FBXL2: variants seen among roughly 807,000 people sequenced by gnomAD.
The protein encoded by FBXL2 is F-box and leucine rich repeat protein 2, also known as F-box/LRR-repeat protein 2.
FBXL2 carries 38 observed loss-of-function variants against 69.2 expected under a neutral mutation model. That is an observed-to-expected ratio of 0.55 (90% CI 0.42 to 0.72). FBXL2 has a LOEUF of 0.72. FBXL2 is among the 30% of genes least tolerant of loss of function. The probability of loss-of-function intolerance (pLI) is 0.00; values close to 1 mark genes in which losing one functional copy is unlikely to be tolerated. For synonymous variants in FBXL2, 192 were observed against 201.3 expected (o/e 0.95, Z 0.39); for missense variants, 354 against 520.3 (o/e 0.68, Z 3.11).
At chr3:33,330,894 CACAA>C (rs1461943822) in intron 2 of FBXL2, among the ~76,000 whole-genome samples, 2 of 149,700 alleles carry the variant, frequency 1.3e-5, no homozygotes. Context: ...GTCACACACA[CACAA>C]ACACACACAC....
At chr3:33,278,997 C>T (rs977034939) in intron 1 of FBXL2, among the ~76,000 whole-genome samples, 1 of 152,210 alleles carries the variant, frequency 6.6e-6, no homozygotes, top group Non-Finnish European at 1.5e-5. Context: ...TCTTCCACTT[C>T]TTTCGTTCTG....
At chr3:33,380,223 C>CA (rs71632598) in intron 13 of FBXL2, among the ~76,000 whole-genome samples, 3,087 of 69,110 alleles carry the variant, frequency 0.045, 54 homozygotes, top group South Asian at 0.087. Flanking sequence ...GACTCTGTCT[C>CA]AAAAAAAAAA....
At chr3:33,374,001 C>G in intron 9 of FBXL2, 80 bp downstream of exon 9, 1 of 1,328,556 alleles carries the variant, frequency 7.5e-7, no homozygotes, top group South Asian at 1.2e-5. Context: ...CCCTGCAGCC[C>G]CCTAGGCACC....
intron 12 of FBXL2, chr3:33,402,776 G>T: frequency 1.4e-6 from 2 of 1,476,586 alleles, no homozygotes; most frequent in Non-Finnish European, 1.8e-6. Flanking sequence ...TTAGCTGCAG[G>T]CACACGATCA....
the FBXL2 span, among the ~76,000 whole-genome samples, chr3:33,416,264 G>A: frequency 6.6e-6 from 1 of 152,148 alleles, no homozygotes; most frequent in African/African-American, 2.4e-5. Flanking sequence ...GGCTAGGAGG[G>A]GCCAGGGGGC....
intron 2 of FBXL2, among the ~76,000 whole-genome samples, chr3:33,308,994 A>G (rs1255442815): frequency 6.6e-6 from 1 of 152,240 alleles, no homozygotes; most frequent in Non-Finnish European, 1.5e-5. Flanking sequence ...GTGGCCTAAC[A>G]TATGATCTAT....
At chr3:33,352,941 A>G (rs1375084353) in intron 2 of FBXL2, among the ~76,000 whole-genome samples, 3 of 152,122 alleles carry the variant, frequency 2.0e-5, no homozygotes, top group Admixed American at 6.6e-5. Context: ...ACCCATCTCA[A>G]TAGTGAGAAA....
chr3:33,283,476 C>T (rs2034261043), intron 1 of FBXL2, among the ~76,000 whole-genome samples: 1 of 152,090 alleles, frequency 6.6e-6, no homozygotes, highest in African/African-American at 2.4e-5. Flanking sequence ...ATTTTTGCAT[C>T]GATGTTCATC....
At chr3:33,370,343 G>A (rs71325138) in intron 5 of FBXL2, among the ~76,000 whole-genome samples, 2 of 151,722 alleles carry the variant, frequency 1.3e-5, no homozygotes, top group East Asian at 1.9e-4. Context: ...GCGTGAACCC[G>A]GGAGGCGGAG....
chr3:33,319,136 T>G (rs376548588), intron 2 of FBXL2, among the ~76,000 whole-genome samples: 2 of 152,348 alleles, frequency 1.3e-5, no homozygotes, highest in African/African-American at 4.8e-5. Flanking sequence ...GATCATCCCT[T>G]TTGTATCTTG....
At chr3:33,310,611 A>G (rs560062029) in intron 2 of FBXL2, among the ~76,000 whole-genome samples, 84 of 152,020 alleles carry the variant, frequency 5.5e-4, no homozygotes, top group African/African-American at 1.8e-3. Context: ...TTTTATCTTT[A>G]AGAATTATCC....
intron 2 of FBXL2, among the ~76,000 whole-genome samples, chr3:33,317,922 T>G (rs1049915155): frequency 6.6e-6 from 1 of 152,226 alleles, no homozygotes; most frequent in African/African-American, 2.4e-5. Context: ...TTAGGGATAC[T>G]CAGCCCATAC....
At chr3:33,305,962 A>T (rs1434826369) in intron 2 of FBXL2, among the ~76,000 whole-genome samples, 1 of 151,934 alleles carries the variant, frequency 6.6e-6, no homozygotes, top group Non-Finnish European at 1.5e-5. Context: ...TACCTATTTC[A>T]TTAGTCTTCA....
chr3:33,307,697 TATATA>T (rs745667721), intron 2 of FBXL2, among the ~76,000 whole-genome samples: 4 of 151,926 alleles, frequency 2.6e-5, no homozygotes, highest in African/African-American at 4.8e-5. Flanking sequence ...GAGAGATATA[TATATA>T]ATATATTAAA....
chr3:33,295,074 G>A lies in FBXL2; in HGVS notation c.4-2590G>A, dbSNP rs531272165. ...TCCACTTCTGCAGTTTGTTTTGGTGGATTGTTTTTTTAATCCAGGTTTTAA... is the reference window on the plus strand; with the variant it reads ...TCCACTTCTGCAGTTTGTTTTGGTGAATTGTTTTTTTAATCCAGGTTTTAA... On this transcript the variant is annotated intron_variant, in intron 1 of 14. Transcript: ENST00000484457. Among the ~76,000 whole-genome samples, 15 of 152,066 alleles carry A rather than the reference G, an allele frequency of 9.9e-5. No homozygotes were observed. In the East Asian group the frequency reaches 1.9e-3, roughly 20 times the overall value.
At position 33,297,668 on chromosome 3, in the gene FBXL2, T is replaced by C; in HGVS notation, c.8T>C (p.Phe3Ser). MV[F>S]SNNDEGLINK... The stretch of plus-strand genomic sequence containing the variant: ...CCTTTTTTTTTTTCTTTCCAGGTTT[T>C]CTCAAACAATGATGAAGGCCTTATT... The change falls in exon 2 of 15, where the codon TTC becomes TCC. Residue 3 changes from phenylalanine to serine, a missense_variant. Phe to Ser is a radical substitution (Grantham distance 155). Transcript: ENST00000484457. 6.4e-7 allele frequency: 1 copy of C among 1,561,332 alleles called. No individual in the cohort carries two copies.
rs899540910 is a variant in FBXL2 at position 33,387,494 on chromosome 3, C to G, written c.*1886C>G. The G allele has an allele frequency of 6.6e-6, 1 of 152,172 alleles. No individual in the cohort carries two copies. Among genetic ancestry groups the G allele is most frequent in the Non-Finnish European group, 1.5e-5 (1 of 68,134 alleles). 9.4% of individuals were successfully genotyped at this position (152,172 alleles called of 1,614,324 possible). A position where few individuals can be genotyped will look rare whatever the true frequency, so the allele number is the denominator to read the frequency against. On this transcript the variant is annotated 3_prime_UTR_variant, in exon 15 of 15. Transcript: ENST00000484457. ...CTGGGCACCTGTAATCTCAGCTACT[C>G]GGGAGGCTGAAGCAGGAGAAATGCT... is the stretch of plus-strand genomic sequence containing the variant.
At chr3:33,308,110 A>G (rs1575142764) in intron 2 of FBXL2, among the ~76,000 whole-genome samples, 1 of 152,110 alleles carries the variant, frequency 6.6e-6, no homozygotes, top group African/African-American at 2.4e-5. Context: ...TCCTCAGCTC[A>G]AGCAATATTC....
At chr3:33,286,959 G>GGGA (rs2034694653) in intron 1 of FBXL2, among the ~76,000 whole-genome samples, 1 of 152,216 alleles carries the variant, frequency 6.6e-6, no homozygotes, top group Non-Finnish European at 1.5e-5. Flanking sequence ...GGCTAGGAGA[G>GGGA]GGAACTCCCC....
Sources: gnomAD v4.1 joint callset for allele counts (sites outside exome capture counted in the v4.1 genomes callset) on GRCh38, gnomAD v4.1.1 for gene constraint, MANE v1.5 for transcripts, NCBI Gene and HGNC (gene_info 2026-07-23, HGNC 2026-07-21) for gene names.